Variants in CCDC91 observed in about 807,000 individuals in gnomAD.
CCDC91 encodes coiled-coil domain-containing protein 91.
CCDC91 carries 48 observed loss-of-function variants against 63.2 expected under a neutral mutation model. That is an observed-to-expected ratio of 0.76 (90% CI 0.60 to 0.97). CCDC91 has a LOEUF of 0.97. Among genes scored for constraint, CCDC91 ranks in the 50% least tolerant of loss-of-function variants. The pLI is 0.00. For missense variants in CCDC91, 500 were observed against 494.6 expected, an observed-to-expected ratio of 1.01 and a Z score of -0.10; for synonymous variants, 167 against 165.8, an observed-to-expected ratio of 1.01 and a Z score of -0.06.
intron 8 of CCDC91, among the ~76,000 whole-genome samples, chr12:28,396,500 A>G (rs1272833068): frequency 6.6e-6 from 1 of 152,114 alleles, no homozygotes; most frequent in Non-Finnish European, 1.5e-5. Flanking sequence ...TAGCTACCCA[A>G]ATGAGAATGT....
intron 11 of CCDC91, among the ~76,000 whole-genome samples, chr12:28,455,897 A>C (rs1297784877): frequency 6.6e-6 from 1 of 152,098 alleles, no homozygotes; most frequent in Admixed American, 6.6e-5. Flanking sequence ...GGGAGACTAA[A>C]GCTTACAGAG....
At chr12:28,197,863 A>G (rs1941903583) in intron 1 of CCDC91, among the ~76,000 whole-genome samples, 1 of 152,084 alleles carries the variant, frequency 6.6e-6, no homozygotes, top group South Asian at 2.1e-4. Context: ...ATGCCATACA[A>G]TTTTACTTAA....
chr12:28,285,012 A>C (rs1948830038), intron 3 of CCDC91, among the ~76,000 whole-genome samples: 4 of 152,194 alleles, frequency 2.6e-5, no homozygotes, highest in African/African-American at 9.7e-5. Flanking sequence ...GGGTTGGTGG[A>C]AAGAGCACTG....
chr12:28,370,029 C>T (rs1246733599), intron 7 of CCDC91, among the ~76,000 whole-genome samples: 1 of 152,208 alleles, frequency 6.6e-6, no homozygotes, highest in Non-Finnish European at 1.5e-5. Context: ...GCCCTGAAGA[C>T]ATCTTCCCAC....
chr12:28,204,088 T>G (rs1942667215), intron 1 of CCDC91, among the ~76,000 whole-genome samples: 1 of 152,150 alleles, frequency 6.6e-6, no homozygotes, highest in Non-Finnish European at 1.5e-5. Flanking sequence ...TGTCCCTTTT[T>G]AAAGCATTTA....
intron 1 of CCDC91, among the ~76,000 whole-genome samples, chr12:28,251,596 C>T (rs961818461): frequency 2.0e-5 from 3 of 152,028 alleles, no homozygotes; most frequent in African/African-American, 7.2e-5. Flanking sequence ...CTATGAAATA[C>T]TGCTGTCTTC....
At chr12:28,396,434 A>G (rs1946290063) in intron 8 of CCDC91, among the ~76,000 whole-genome samples, 1 of 152,180 alleles carries the variant, frequency 6.6e-6, no homozygotes, top group Non-Finnish European at 1.5e-5. Context: ...TGGCTAAAGT[A>G]TAAAAATTGA....
At chr12:28,537,760 C>T (rs1942291221) in intron 12 of CCDC91, among the ~76,000 whole-genome samples, 1 of 152,092 alleles carries the variant, frequency 6.6e-6, no homozygotes, top group Non-Finnish European at 1.5e-5. Context: ...TTTGTGATGA[C>T]TGGGGGAAGA....
intron 1 of CCDC91, among the ~76,000 whole-genome samples, chr12:28,234,752 T>A (rs1944828065): frequency 6.6e-6 from 1 of 151,998 alleles, no homozygotes; most frequent in Non-Finnish European, 1.5e-5. Context: ...AGTTGATAAT[T>A]TGAAAGTTTT....
intron 6 of CCDC91, among the ~76,000 whole-genome samples, chr12:28,322,699 A>G (rs542137176): frequency 6.6e-6 from 1 of 151,860 alleles, no homozygotes; most frequent in South Asian, 2.1e-4. Flanking sequence ...ATAGAAATCC[A>G]TAACTTAGAA....
chr12:28,450,797 T>C (rs1202757120), intron 10 of CCDC91, among the ~76,000 whole-genome samples: 1 of 151,766 alleles, frequency 6.6e-6, no homozygotes, highest in East Asian at 1.9e-4. Flanking sequence ...TTCATAGATA[T>C]AAAATATACA....
At chr12:28,347,960 A>G (rs1450292580) in intron 6 of CCDC91, among the ~76,000 whole-genome samples, 1 of 152,214 alleles carries the variant, frequency 6.6e-6, no homozygotes, top group African/African-American at 2.4e-5. Flanking sequence ...TTGTGAAGGC[A>G]TGTAAGCCAA....
At chr12:28,313,182 G>T (rs1424782309) in intron 6 of CCDC91, among the ~76,000 whole-genome samples, 1 of 151,782 alleles carries the variant, frequency 6.6e-6, no homozygotes, top group Non-Finnish European at 1.5e-5. Context: ...TATTTATGAT[G>T]ACAGGAACAA....
chr12:28,546,353 C>A (rs1942989384), intron 12 of CCDC91, among the ~76,000 whole-genome samples: 1 of 152,080 alleles, frequency 6.6e-6, no homozygotes. Flanking sequence ...TTATATTCTT[C>A]TGAAATATTT....
chr12:28,215,972 T>C (rs1943537623), intron 1 of CCDC91, among the ~76,000 whole-genome samples: 1 of 152,138 alleles, frequency 6.6e-6, no homozygotes. Flanking sequence ...AATCTTATGC[T>C]GAATAATGCT....
chr12:28,498,378 C>T (rs1057006638), intron 12 of CCDC91, among the ~76,000 whole-genome samples: 2 of 151,582 alleles, frequency 1.3e-5, no homozygotes, highest in African/African-American at 4.8e-5. Context: ...ATGTCAAGAG[C>T]AGAGTGCAAG....
intron 12 of CCDC91, among the ~76,000 whole-genome samples, chr12:28,529,583 A>T (rs1424017765): frequency 6.6e-6 from 1 of 152,196 alleles, no homozygotes; most frequent in Non-Finnish European, 1.5e-5. Flanking sequence ...AGATGAGTGC[A>T]TGCACTTGGT....
chr12:28,536,989 C>G (rs1188648822), intron 12 of CCDC91, among the ~76,000 whole-genome samples: 2 of 152,042 alleles, frequency 1.3e-5, no homozygotes. Flanking sequence ...GCAGAACCAG[C>G]TTGTTCTGGG....
chr12:28,208,535 G>A (rs1943008582), intron 1 of CCDC91, among the ~76,000 whole-genome samples: 2 of 152,114 alleles, frequency 1.3e-5, no homozygotes, highest in South Asian at 4.1e-4. Context: ...GCATTCCAAA[G>A]TTGGATGTCA....
Sources: allele counts gnomAD v4.1 joint callset (sites outside exome capture counted in the v4.1 genomes callset), GRCh38; gene constraint gnomAD v4.1.1; transcripts MANE v1.5; gene names NCBI Gene and HGNC (gene_info 2026-07-23, HGNC 2026-07-21).